Variants in HSD17B2 observed in about 807,000 individuals in gnomAD.
HSD17B2 encodes 17-beta-hydroxysteroid dehydrogenase type 2.
In HSD17B2, 32 loss-of-function variants were observed where a neutral mutation model predicts 26.9. The ratio of observed to expected loss-of-function variants is 1.19; its 90% CI spans 0.90 to 1.60. The LOEUF is 1.60. Among genes scored for constraint, HSD17B2 ranks in the 40% most tolerant of loss-of-function variants. The probability of loss-of-function intolerance (pLI) is 0.00; values close to 1 mark genes in which losing one functional copy is unlikely to be tolerated. For missense variants in HSD17B2, 613 were observed against 468.6 expected (o/e 1.31, Z -2.85); for synonymous variants, 246 against 186.7 (o/e 1.32, Z -2.59).
intron 1 of HSD17B2, among the ~76,000 whole-genome samples, chr16:82,056,270 T>G (rs1272734744): frequency 6.6e-6 from 1 of 152,226 alleles, no homozygotes; most frequent in East Asian, 1.9e-4. Context: ...TTTAGTTGTA[T>G]CTCTGGTTAG....
intron 1 of HSD17B2, among the ~76,000 whole-genome samples, chr16:82,041,846 G>A (rs542124951): frequency 2.6e-5 from 4 of 152,246 alleles, no homozygotes; most frequent in African/African-American, 9.6e-5. Context: ...TCCTCTGAGA[G>A]AGGACTGGCA....
intron 3 of HSD17B2, among the ~76,000 whole-genome samples, chr16:82,088,135 T>G (rs1904581663): frequency 1.3e-5 from 2 of 152,222 alleles, no homozygotes; most frequent in Admixed American, 6.5e-5. Flanking sequence ...GAATAAGTAT[T>G]AAGTGCAGAT....
intron 3 of HSD17B2, among the ~76,000 whole-genome samples, chr16:82,073,379 A>G (rs1173668087): frequency 1.3e-5 from 2 of 151,544 alleles, no homozygotes. Flanking sequence ...CGCCCCCACC[A>G]CACCTAGCTA....
chr16:82,070,984 C>T lies in HSD17B2; in HGVS notation c.521C>T (p.Pro174Leu), dbSNP rs1914683754. The change falls in exon 3 of 5, where the codon CCA becomes CTA. Residue 174 changes from proline to leucine, a missense_variant. By Grantham distance (98) the Pro-to-Leu change is moderately conservative. Coordinates refer to ENST00000199936, the MANE Select transcript of HSD17B2 (RefSeq NM_002153.3). ...VINNAGVLGF[P>L]TDGELLLMTD... is the part of the protein sequence containing the mutation. ...AACAATGCTGGGGTGCTTGGCTTTC[C>T]AACTGATGGGGAGCTTCTTCTTATG... The T allele has an allele frequency of 1.2e-6, 2 of 1,614,098 alleles. No homozygotes were observed. The highest frequency in any genetic ancestry group is 3.3e-5 in the Admixed American group (2 of 60,008).
chr16:82,089,910 G>C (rs185179709), intron 3 of HSD17B2, among the ~76,000 whole-genome samples: 3 of 152,060 alleles, frequency 2.0e-5, no homozygotes, highest in African/African-American at 7.3e-5. Flanking sequence ...ATTCCAAGTG[G>C]ATCACTCCCT....
intron 3 of HSD17B2, among the ~76,000 whole-genome samples, chr16:82,087,638 C>T (rs796940301): frequency 6.6e-6 from 1 of 152,284 alleles, no homozygotes. Context: ...CTACTGTCAA[C>T]AAACTTCATA....
chr16:82,038,173 C>T (rs4318193), intron 1 of HSD17B2, among the ~76,000 whole-genome samples: 17,772 of 152,068 alleles, frequency 0.12, 3,476 homozygotes, highest in African/African-American at 0.4. Flanking sequence ...CCTTTGAGCC[C>T]TTTATTTCAT....
chr16:82,054,843 A>G (rs1261709759), intron 1 of HSD17B2, among the ~76,000 whole-genome samples: 1 of 152,068 alleles, frequency 6.6e-6, no homozygotes, highest in Non-Finnish European at 1.5e-5. Context: ...ACCTAAGTCA[A>G]CTCAAGTCAC....
intron 1 of HSD17B2, among the ~76,000 whole-genome samples, chr16:82,052,021 G>A (rs183079773): frequency 3.9e-5 from 6 of 152,360 alleles, no homozygotes; most frequent in Admixed American, 6.5e-5. Context: ...ACACTGTGCC[G>A]TCAGTGCCTT....
intron 2 of HSD17B2, among the ~76,000 whole-genome samples, chr16:82,068,972 G>A (rs1914636148): frequency 6.6e-6 from 1 of 152,136 alleles, no homozygotes. Context: ...TTGTGACATA[G>A]GTAAGCATGT....
chr16:82,072,353 G>C (rs1054350413), intron 3 of HSD17B2, among the ~76,000 whole-genome samples: 1 of 152,188 alleles, frequency 6.6e-6, no homozygotes, highest in Non-Finnish European at 1.5e-5. Flanking sequence ...AATGAATCCT[G>C]AGAAAACACA....
chr16:82,064,758 C>T (rs935643058), intron 1 of HSD17B2, among the ~76,000 whole-genome samples: 3 of 152,308 alleles, frequency 2.0e-5, no homozygotes, highest in East Asian at 1.9e-4. Flanking sequence ...CTATCATGAG[C>T]CAAGAAGATG....
chr16:82,065,115 G>T (rs894473970), intron 1 of HSD17B2, among the ~76,000 whole-genome samples: 18 of 152,208 alleles, frequency 1.2e-4, no homozygotes, highest in African/African-American at 4.3e-4. Context: ...TTGTGTGGAG[G>T]CACACAGTGT....
intron 3 of HSD17B2, among the ~76,000 whole-genome samples, chr16:82,086,249 G>A (rs1904523855): frequency 6.6e-6 from 1 of 152,124 alleles, no homozygotes; most frequent in Non-Finnish European, 1.5e-5. Context: ...AAGGATCACT[G>A]GCTAAATAAA....
intron 1 of HSD17B2, among the ~76,000 whole-genome samples, chr16:82,060,248 A>C (rs899711860): frequency 1.3e-5 from 2 of 152,230 alleles, no homozygotes; most frequent in Non-Finnish European, 2.9e-5. Context: ...GCTTTCTACC[A>C]GCTAAACAGC....
intron 3 of HSD17B2, among the ~76,000 whole-genome samples, chr16:82,080,653 G>C (rs1282993527): frequency 6.6e-6 from 1 of 152,164 alleles, no homozygotes; most frequent in Admixed American, 6.5e-5. Context: ...TGTCTGGTTT[G>C]ACTTTAAACG....
Position 82,070,942 on chromosome 16 carries a change from G to T in HSD17B2, c.479G>T (p.Gly160Val), listed in dbSNP as rs896234001. ...ACTCATTATGGTTTTCTGTCTCCAG[G>T]ACTGTGGGCTGTGATCAACAATGCT... is the stretch of plus-strand genomic sequence containing the variant. ...SKVAAMLQDR[G>V]LWAVINNAGV... is the part of the protein sequence containing the mutation. Residue 160 changes from glycine to valine, a missense_variant and splice_region_variant, in exon 3 of 5, where the codon GGA becomes GTA. Coordinates refer to ENST00000199936, the MANE Select transcript of HSD17B2 (RefSeq NM_002153.3). 1.2e-6 allele frequency: 2 copies of T among 1,612,716 alleles called. No homozygotes were observed. Among genetic ancestry groups the T allele is most frequent in the Admixed American group, 1.7e-5 (1 of 59,926 alleles).
rs59886565 is a variant in HSD17B2 at position 82,075,456 on chromosome 16, GAGACTAAGAACA to G, written c.664+4357_664+4368del. ...TAAACAAAATTGACAAACTTTTAAT[GAGACTAAGAACA>G]AGACTAAGAACAAGACTAAGAACAA... On this transcript the variant is annotated intron_variant, in intron 3 of 4. Coordinates refer to ENST00000199936, the MANE Select transcript of HSD17B2 (RefSeq NM_002153.3). Among the ~76,000 whole-genome samples, 1,318 of 152,100 alleles carry G rather than the reference GAGACTAAGAACA, an allele frequency of 8.7e-3. 20 individuals are homozygous for G. Among genetic ancestry groups the G allele is most frequent in the African/African-American group, 0.028 (1,179 of 41,526 alleles).
chr16:82,057,447 T>G (rs1914304994), intron 1 of HSD17B2, among the ~76,000 whole-genome samples: 1 of 152,222 alleles, frequency 6.6e-6, no homozygotes, highest in Non-Finnish European at 1.5e-5. Flanking sequence ...TCCACCCGCT[T>G]CGGCCTCCCA....
Sources: allele counts gnomAD v4.1 joint callset (sites outside exome capture counted in the v4.1 genomes callset), GRCh38; gene constraint gnomAD v4.1.1; transcripts MANE v1.5; gene names NCBI Gene and HGNC (gene_info 2026-07-23, HGNC 2026-07-21).